The following EPHA7 variants were observed in gnomAD, a reference collection of about 807,000 sequenced individuals.
EPHA7 encodes EPH receptor A7, also known as ephrin type-A receptor 7.
EPHA7 carries 25 observed loss-of-function variants against 112.6 expected under a neutral mutation model. The ratio of observed to expected loss-of-function variants is 0.22; its 90% confidence interval spans 0.16 to 0.31. The LOEUF (loss-of-function observed/expected upper bound fraction) is 0.31. Among genes scored for constraint, EPHA7 ranks in the 10% least tolerant of loss-of-function variants. EPHA7 has a pLI of 1.00. For synonymous variants in EPHA7, 437 were observed against 406.5 expected, an observed-to-expected ratio of 1.07 and a Z score of -0.90; for missense variants, 962 against 1,212.6, an observed-to-expected ratio of 0.79 and a Z score of 3.07.
chr6:93,397,503 A>G (rs1414340673), intron 3 of EPHA7, among the ~76,000 whole-genome samples: 1 of 151,898 alleles, frequency 6.6e-6, no homozygotes, highest in East Asian at 1.9e-4. Flanking sequence ...AAGAATATGC[A>G]ATGTTTTTTA....
At chr6:93,386,003 G>A (rs924553127) in intron 3 of EPHA7, among the ~76,000 whole-genome samples, 3 of 152,048 alleles carry the variant, frequency 2.0e-5, no homozygotes, top group African/African-American at 7.2e-5. Context: ...GAACAGCATG[G>A]GCAGCAGAGG....
Position 93,414,690 on chromosome 6 carries a change from G to GA in EPHA7, c.162+12dup. Reference sequence around the variant, plus strand: ...TTTTAAAAAAGTGATATTTTATGATGAAAAAAACTTACCCCATTGGGTGGA... The same window carrying GA: ...TTTTAAAAAAGTGATATTTTATGATGAAAAAAAACTTACCCCATTGGGTGGA... On this transcript the variant is annotated intron_variant, in intron 2 of 16. Transcript: ENST00000369303. The GA allele has an allele frequency of 1.9e-6, 3 of 1,605,254 alleles. No homozygotes were observed. The highest frequency in any genetic ancestry group is 2.6e-6 in the Non-Finnish European group (3 of 1,173,232).
chr6:93,278,436 C>A (rs1771571013), intron 5 of EPHA7, among the ~76,000 whole-genome samples: 1 of 152,020 alleles, frequency 6.6e-6, no homozygotes, highest in African/African-American at 2.4e-5. Context: ...ACCAGTCTTA[C>A]AAAAGAATAA....
intron 5 of EPHA7, among the ~76,000 whole-genome samples, chr6:93,343,446 T>C (rs893809460): frequency 3.3e-5 from 5 of 151,736 alleles, no homozygotes; most frequent in Non-Finnish European, 7.4e-5. Context: ...AGGGTTTGTG[T>C]TTGAAGTGCT....
chr6:93,248,937 A>C (rs1292612981), intron 14 of EPHA7, among the ~76,000 whole-genome samples: 3 of 152,184 alleles, frequency 2.0e-5, no homozygotes, highest in Non-Finnish European at 4.4e-5. Context: ...ACATTTATAT[A>C]TCTTTCTCTA....
Position 93,394,486 on chromosome 6 carries a change from T to G in EPHA7, c.832+16015A>C, listed in dbSNP as rs192958070. On this transcript the variant is annotated intron_variant, in intron 3 of 16. Transcript: ENST00000369303. Reference sequence around the variant, plus strand: ...AAATAAGAAGAACTGACTAAACACATGTTTAGTGTCTGTATGATTAGGTTC... The same window carrying G: ...AAATAAGAAGAACTGACTAAACACAGGTTTAGTGTCTGTATGATTAGGTTC... Among the ~76,000 whole-genome samples the G allele has an allele frequency of 2.0e-5, 3 of 151,788 alleles. No individual in the cohort carries two copies. In the Admixed American group the frequency reaches 2.0e-4, roughly 10 times the overall value.
At chr6:93,275,991 A>G (rs1351679788) in intron 5 of EPHA7, among the ~76,000 whole-genome samples, 1 of 152,040 alleles carries the variant, frequency 6.6e-6, no homozygotes, top group Admixed American at 6.6e-5. Flanking sequence ...GTTAAGCTTA[A>G]CTATTTGTAA....
intron 9 of EPHA7, chr6:93,260,358 T>C (rs1399161433): frequency 3.3e-5 from 8 of 244,314 alleles, no homozygotes; most frequent in Non-Finnish European, 5.2e-5. Flanking sequence ...GATAATACTA[T>C]GTCAACTTTA....
At chr6:93,340,583 A>G (rs1775090012) in intron 5 of EPHA7, among the ~76,000 whole-genome samples, 2 of 151,836 alleles carry the variant, frequency 1.3e-5, no homozygotes, top group South Asian at 4.1e-4. Flanking sequence ...AAAAATTCAA[A>G]ATCTGAAACA....
intron 5 of EPHA7, among the ~76,000 whole-genome samples, chr6:93,275,926 A>T (rs988035991): frequency 6.6e-6 from 1 of 151,964 alleles, no homozygotes; most frequent in Non-Finnish European, 1.5e-5. Context: ...TAAATTACAG[A>T]ATGGAATTTA....
intron 5 of EPHA7, among the ~76,000 whole-genome samples, chr6:93,349,140 T>C (rs553895936): frequency 6.6e-6 from 1 of 151,996 alleles, no homozygotes; most frequent in South Asian, 2.1e-4. Context: ...CATGGTAGTA[T>C]GTTACCTAAT....
chr6:93,365,641 G>A (rs942533608), intron 3 of EPHA7, among the ~76,000 whole-genome samples: 6 of 152,122 alleles, frequency 3.9e-5, no homozygotes, highest in Non-Finnish European at 5.9e-5. Context: ...GATTTTTCAC[G>A]TTGAGAATGA....
rs1443574487 is a variant in EPHA7 at position 93,259,445 on chromosome 6, A to G, written c.1833T>C (p.Pro611=). Residue 611 remains proline, a synonymous_variant, in exon 10 of 17, where the codon CCT becomes CCC. Coordinates refer to ENST00000369303, the MANE Select transcript of EPHA7 (RefSeq NM_004440.4). The part of the protein sequence containing the change: ...KFPGTKTYID[P]ETYEDPNRAV... ...CTCTATTTGGGTCCTCATAGGTTTC[A>G]GGGTCAATGTAGGTTTTGGTGCCTG... 4 of 1,611,958 alleles carry G rather than the reference A, an allele frequency of 2.5e-6. No homozygotes were observed. The Admixed American group carries it at 6.7e-5, about 27-fold the overall frequency.
At chr6:93,303,869 T>C (rs2127853440) in intron 5 of EPHA7, among the ~76,000 whole-genome samples, 1 of 152,236 alleles carries the variant, frequency 6.6e-6, no homozygotes, top group South Asian at 2.1e-4. Flanking sequence ...CATGAATTTT[T>C]CCCCGATTTT....
rs369011369 is a variant in EPHA7, at chr6:93,412,595, G to T, written c.163-1425C>A. ...AACTTGCATTTGTGACTAGTTAACA[G>T]TGTGCCTAGCTTCCCTTTGTTTCAG... On this transcript the variant is annotated intron_variant, in intron 2 of 16. Coordinates refer to ENST00000369303, the MANE Select transcript of EPHA7 (RefSeq NM_004440.4). 2.0e-5 allele frequency among the ~76,000 whole-genome samples: 3 copies of T among 152,196 alleles called. No individual in the cohort carries two copies. In the East Asian group the frequency reaches 5.8e-4, roughly 29 times the overall value.
Position 93,358,043 on chromosome 6 carries a change from C to T in EPHA7, c.988+213G>A, listed in dbSNP as rs561403693. Reference sequence around the variant, plus strand: ...AAAATGCATCTTAATTTTGCAGACACGGAAATAACACCAAAGTTGATGTAA... The same window carrying T: ...AAAATGCATCTTAATTTTGCAGACATGGAAATAACACCAAAGTTGATGTAA... On this transcript the variant is annotated intron_variant, in intron 4 of 16. Transcript: ENST00000369303. Among the ~76,000 whole-genome samples the T allele has an allele frequency of 7.2e-5, 11 of 152,058 alleles. No individual in the cohort carries two copies. In the East Asian group the frequency reaches 1.4e-3, roughly 19 times the overall value.
intron 5 of EPHA7, among the ~76,000 whole-genome samples, chr6:93,290,943 T>C (rs1253630098): frequency 6.6e-6 from 1 of 152,156 alleles, no homozygotes; most frequent in Non-Finnish European, 1.5e-5. Context: ...AAAATACAGC[T>C]GCAAACAATG....
intron 5 of EPHA7, among the ~76,000 whole-genome samples, chr6:93,314,638 C>G (rs532457905): frequency 6.6e-6 from 1 of 151,736 alleles, no homozygotes; most frequent in Admixed American, 6.6e-5. Flanking sequence ...AAGAATACAA[C>G]CAATTTTGTG....
intron 4 of EPHA7, 29 bp from the exon 5 acceptor site, chr6:93,357,081 T>C: frequency 6.7e-7 from 1 of 1,503,672 alleles, no homozygotes; most frequent in East Asian, 2.3e-5. Context: ...AATAAGTAAA[T>C]AAGCAAAAAT....
Sources: allele counts gnomAD v4.1 joint callset (sites outside exome capture counted in the v4.1 genomes callset), GRCh38; gene constraint gnomAD v4.1.1; transcripts MANE v1.5; gene names NCBI Gene and HGNC (gene_info 2026-07-23, HGNC 2026-07-21).